The following RNF225 variants were observed in gnomAD, a reference collection of about 807,000 sequenced individuals.
RNF225 encodes the protein ring finger protein 225.
For synonymous variants in RNF225, 295 were observed against 260.4 expected (o/e 1.13, Z -1.28); for missense variants, 510 against 509.8 (o/e 1.00, Z 0.00).
At position 58,397,034 on chromosome 19, in the gene RNF225, GGCCCCGT is replaced by G; in HGVS notation, c.947_953del (p.Ala316GlyfsTer?). 6.5e-7 allele frequency: 1 copy of G among 1,530,798 alleles called. No individual in the cohort carries two copies. Among genetic ancestry groups the G allele is most frequent in the Non-Finnish European group, 8.7e-7 (1 of 1,144,998 alleles). The allele number at this position is 1,530,798 out of a possible 1,614,324, so 94.8% of individuals were successfully genotyped here. ...GGGGCACAGAGGCTGGCCCCGGCTG[GGCCCCGT>G]GGCCACGGGGCGCGAGGAGGCTGTG... is the stretch of plus-strand genomic sequence containing the variant. On this transcript the variant is annotated frameshift_variant, in exon 1 of 1. Transcript: ENST00000601382. LOFTEE classifies it low-confidence loss of function (END_TRUNC).
chr19:58,396,846 C>A lies in RNF225; in HGVS notation c.757C>A (p.Pro253Thr). ...PGFSWFPPRP[P>T]PGSPWAPAWT... ...CTTCTCTTGGTTTCCGCCGAGGCCC[C>A]CGCCGGGGTCGCCCTGGGCCCCCGC... The change falls in exon 1 of 1, where the codon CCG becomes ACG. Residue 253 changes from proline to threonine, a missense_variant. Coordinates refer to ENST00000601382, the MANE Select transcript of RNF225 (RefSeq NM_001195135.2). 6.6e-7 allele frequency: 1 copy of A among 1,520,308 alleles called. No homozygotes were observed. The highest frequency in any genetic ancestry group is 8.8e-7 in the Non-Finnish European group (1 of 1,141,170). 94.2% of individuals were successfully genotyped at this position (1,520,308 alleles called of 1,614,324 possible).
chr19:58,396,129 G>C lies in RNF225; in HGVS notation c.40G>C (p.Ala14Pro), dbSNP rs1375843366. 12 of 1,532,100 alleles carry C rather than the reference G, an allele frequency of 7.8e-6. No individual in the cohort carries two copies. The highest frequency in any genetic ancestry group is 3.6e-5 in the South Asian group (3 of 83,724). The allele number at this position is 1,532,100 out of a possible 1,614,324, so 94.9% of individuals were successfully genotyped here. A position where few individuals can be genotyped will look rare whatever the true frequency, so the allele number is the denominator to read the frequency against. The part of the protein sequence containing the change: ...PRPFWLRHSR[A>P]PQGSGPSSPG... ...GCCGTTCTGGCTCCGCCATTCCCGG[G>C]CCCCCCAGGGCTCGGGTCCCAGCTC... Residue 14 changes from alanine to proline, a missense_variant, in exon 1 of 1, where the codon GCC becomes CCC. Coordinates refer to ENST00000601382, the MANE Select transcript of RNF225 (RefSeq NM_001195135.2).
chr19:58,396,074 T>A lies in RNF225; in HGVS notation c.-16T>A. 1.3e-6 allele frequency: 2 copies of A among 1,500,612 alleles called. No homozygotes were observed. The highest frequency in any genetic ancestry group is 1.8e-6 in the Non-Finnish European group (2 of 1,132,674). The allele number at this position is 1,500,612 out of a possible 1,614,324, so 93.0% of individuals were successfully genotyped here. On this transcript the variant is annotated 5_prime_UTR_variant, in exon 1 of 1. Coordinates refer to ENST00000601382, the MANE Select transcript of RNF225 (RefSeq NM_001195135.2). The stretch of plus-strand genomic sequence containing the variant: ...TCCTTCCCTGCCTGACCTCCTCTCC[T>A]CCCAGGTCCATCCGGATGCCCTGCC...
rs752417745 is a variant in RNF225 at position 58,396,226 on chromosome 19, G to A, written c.137G>A (p.Gly46Glu). 111 of 1,542,476 alleles carry A rather than the reference G, an allele frequency of 7.2e-5. 5 individuals are homozygous for A. In the South Asian group the frequency reaches 1.3e-3, roughly 18 times the overall value. Residue 46 changes from glycine to glutamate, a missense_variant, in exon 1 of 1, where the codon GGG (glycine) becomes GAG (glutamate). By Grantham distance (98) the Gly-to-Glu change is moderately conservative (BLOSUM62 -2). Coordinates refer to ENST00000601382, the MANE Select transcript of RNF225 (RefSeq NM_001195135.2). ...CAGGAGGAGGAGGAGGAGGAGGAAGGGGACGGCAGCCCAGGCTCCGGCCCT... is the reference window on the plus strand; with the variant it reads ...CAGGAGGAGGAGGAGGAGGAGGAAGAGGACGGCAGCCCAGGCTCCGGCCCT... ...EDQEEEEEEE[G>E]DGSPGSGPIL...
In RNF225 at chr19:58,396,011, C is replaced by A; in HGVS notation, c.-79C>A. On this transcript the variant is annotated 5_prime_UTR_variant, in exon 1 of 1. Transcript: ENST00000601382. ...TACAGTCCCCAGTCTTCCCTGGATT[C>A]CCTGCTGGTCTCAGAACCCGCTCCA... 2 of 1,355,538 alleles carry A rather than the reference C, an allele frequency of 1.5e-6. No homozygotes were observed. The highest frequency in any genetic ancestry group is 2.0e-6 in the Non-Finnish European group (2 of 1,024,116). 84.0% of individuals were successfully genotyped at this position (1,355,538 alleles called of 1,614,324 possible).
In RNF225 at chr19:58,396,575, GC is replaced by G; in HGVS notation, c.491del (p.Pro164ArgfsTer?). 1 of 1,054,056 alleles carries G rather than the reference GC, an allele frequency of 9.5e-7. No homozygotes were observed. The highest frequency in any genetic ancestry group is 1.1e-6 in the Non-Finnish European group (1 of 878,044). The allele number at this position is 1,054,056 out of a possible 1,614,324, so 65.3% of individuals were successfully genotyped here. A position where few individuals can be genotyped will look rare whatever the true frequency, so the allele number is the denominator to read the frequency against. On this transcript the variant is annotated frameshift_variant, in exon 1 of 1. Coordinates refer to ENST00000601382, the MANE Select transcript of RNF225 (RefSeq NM_001195135.2). LOFTEE classifies it low-confidence loss of function (END_TRUNC). Reference sequence around the variant, plus strand: ...GCCTTCTCTACCTGCGGCCGCCGCCGCCCCCGCCCGGGCCGCGCAAGGCCCG... The same window carrying G: ...GCCTTCTCTACCTGCGGCCGCCGCCGCCCCGCCCGGGCCGCGCAAGGCCCG... Reference protein sequence around the residue: ...RGLLYLRPPPPPPGPRKARAP... With the variant: ...RGLLYLRPPPXPPGPRKARAP...
Position 58,396,754 on chromosome 19 carries a change from T to A in RNF225, c.665T>A (p.Leu222His). Residue 222 changes from leucine to histidine, a missense_variant, in exon 1 of 1, where the codon CTC (leucine) becomes CAC (histidine). Transcript: ENST00000601382. ...GTCTCGGGCGTCTACATCTTCTTCC[T>A]CATCCCGCACGCCACCTCCTCCGGC... ...LVVSGVYIFF[L>H]IPHATSSGPP... 2 of 1,513,494 alleles carry A rather than the reference T, an allele frequency of 1.3e-6. No individual in the cohort carries two copies. The highest frequency in any genetic ancestry group is 1.8e-6 in the Non-Finnish European group (2 of 1,138,234). The allele number at this position is 1,513,494 out of a possible 1,614,324, so 93.8% of individuals were successfully genotyped here. A position where few individuals can be genotyped will look rare whatever the true frequency, so the allele number is the denominator to read the frequency against.
At position 58,396,490 on chromosome 19, in the gene RNF225, C is replaced by T. The variant is rs1278666305; in HGVS notation, c.401C>T (p.Pro134Leu). Reference protein sequence around the residue: ...PALPTQSGLLPRDARAPPSRQ... With the variant: ...PALPTQSGLLLRDARAPPSRQ... ...TTGCCCACGCAGTCCGGTCTCCTGC[C>T]CCGCGACGCGCGCGCACCGCCCTCT... Residue 134 changes from proline (P) to leucine (L), a missense_variant, in exon 1 of 1, where the codon CCC (proline) becomes CTC (leucine). Physicochemically the swap from Pro to Leu is moderately conservative, Grantham distance 98. Coordinates refer to ENST00000601382, the MANE Select transcript of RNF225 (RefSeq NM_001195135.2). The T allele has an allele frequency of 1.5e-6, 2 of 1,330,914 alleles. No individual in the cohort carries two copies. The highest frequency in any genetic ancestry group is 3.3e-5 in the East Asian group (1 of 30,756). The allele number at this position is 1,330,914 out of a possible 1,614,324, so 82.4% of individuals were successfully genotyped here.
In RNF225 at chr19:58,396,492, C is replaced by T. The variant is rs533761576; in HGVS notation, c.403C>T (p.Arg135Cys). 15 of 1,325,668 alleles carry T rather than the reference C, an allele frequency of 1.1e-5. No homozygotes were observed. The South Asian group carries it at 2.2e-4, about 19-fold the overall frequency. The allele number at this position is 1,325,668 out of a possible 1,614,324, so 82.1% of individuals were successfully genotyped here. ...ALPTQSGLLP[R>C]DARAPPSRQG... ...GCCCACGCAGTCCGGTCTCCTGCCCCGCGACGCGCGCGCACCGCCCTCTCG... is the reference window on the plus strand; with the variant it reads ...GCCCACGCAGTCCGGTCTCCTGCCCTGCGACGCGCGCGCACCGCCCTCTCG... Residue 135 changes from arginine to cysteine, a missense_variant, in exon 1 of 1, where the codon CGC becomes TGC. By Grantham distance (180) the Arg-to-Cys change is radical (BLOSUM62 -3). Coordinates refer to ENST00000601382, the MANE Select transcript of RNF225 (RefSeq NM_001195135.2).
Position 58,396,546 on chromosome 19 carries a change from C to T in RNF225, c.457C>T (p.Arg153Cys), listed in dbSNP as rs1416057406. 10 of 1,167,726 alleles carry T rather than the reference C, an allele frequency of 8.6e-6. No homozygotes were observed. Among genetic ancestry groups the T allele is most frequent in the Non-Finnish European group, 9.5e-6 (9 of 948,978 alleles). The allele number at this position is 1,167,726 out of a possible 1,614,324, so 72.3% of individuals were successfully genotyped here. Reference protein sequence around the residue: ...RQGSVRFDRRRGLLYLRPPPP... With the variant: ...RQGSVRFDRRCGLLYLRPPPP... ...GGGCTCCGTGCGCTTCGACCGGCGC[C>T]GCGGCCTTCTCTACCTGCGGCCGCC... The change falls in exon 1 of 1, where the codon CGC becomes TGC. Residue 153 changes from arginine (R) to cysteine (C), a missense_variant. Physicochemically the swap from Arg to Cys is radical, Grantham distance 180. Transcript: ENST00000601382.
chr19:58,396,213 G>A lies in RNF225; in HGVS notation c.124G>A (p.Glu42Lys). 6.5e-7 allele frequency: 1 copy of A among 1,543,634 alleles called. No homozygotes were observed. Among genetic ancestry groups the A allele is most frequent in the Non-Finnish European group, 8.7e-7 (1 of 1,151,658 alleles). ...CAGAGGGGAAGACCAGGAGGAGGAG[G>A]AGGAGGAGGAAGGGGACGGCAGCCC... ...PSRGEDQEEE[E>K]EEEGDGSPGS... Residue 42 changes from glutamate to lysine, a missense_variant, in exon 1 of 1, where the codon GAG becomes AAG. Physicochemically the swap from Glu to Lys is moderately conservative, Grantham distance 56. Transcript: ENST00000601382.
rs1469556073 is a variant in RNF225, at chr19:58,396,890, G to A, written c.801G>A (p.Thr267=). Residue 267 remains threonine (T), a synonymous_variant, in exon 1 of 1, where the codon ACG becomes ACA. Transcript: ENST00000601382. The part of the protein sequence containing the change: ...PWAPAWTPRP[T]GPDLDTALPG... ...CCCCCGCCTGGACGCCGCGCCCCAC[G>A]GGCCCTGACCTGGACACGGCCCTGC... 2.1e-5 allele frequency: 32 copies of A among 1,529,102 alleles called. No homozygotes were observed. The highest frequency in any genetic ancestry group is 2.7e-5 in the Non-Finnish European group (31 of 1,144,496). The allele number at this position is 1,529,102 out of a possible 1,614,324, so 94.7% of individuals were successfully genotyped here.
chr19:58,395,996 A>G lies in RNF225; in HGVS notation c.-94A>G, dbSNP rs28478181. On this transcript the variant is annotated 5_prime_UTR_variant, in exon 1 of 1. Transcript: ENST00000601382. ...GGATCCTCTCTAAAGTACAGTCCCC[A>G]GTCTTCCCTGGATTCCCTGCTGGTC... is the stretch of plus-strand genomic sequence containing the variant. The G allele has an allele frequency of 0.026, 32,158 of 1,247,864 alleles. 6,097 individuals are homozygous for G. The African/African-American group carries it at 0.42, about 16-fold the overall frequency. 77.3% of individuals were successfully genotyped at this position (1,247,864 alleles called of 1,614,324 possible).
chr19:58,396,350 C>T lies in RNF225; in HGVS notation c.261C>T (p.Phe87=), dbSNP rs1380895782. The T allele has an allele frequency of 6.5e-7, 1 of 1,535,568 alleles. No homozygotes were observed. The highest frequency in any genetic ancestry group is 2.4e-5 in the East Asian group (1 of 40,900). The change falls in exon 1 of 1, where the codon TTC becomes TTT. Residue 87 remains phenylalanine, a synonymous_variant. Transcript: ENST00000601382. ...LPKRLDCGHV[F]CLECLARLSL... ...AGCGCCTGGACTGCGGCCACGTCTT[C>T]TGTCTCGAGTGCCTGGCGCGCCTAT... is the stretch of plus-strand genomic sequence containing the variant.
In RNF225 at chr19:58,396,256, T is replaced by A; in HGVS notation, c.167T>A (p.Leu56Gln). Residue 56 changes from leucine to glutamine, a missense_variant, in exon 1 of 1, where the codon CTG becomes CAG. Physicochemically the swap from Leu to Gln is moderately radical, Grantham distance 113 (BLOSUM62 -2). Coordinates refer to ENST00000601382, the MANE Select transcript of RNF225 (RefSeq NM_001195135.2). ...GDGSPGSGPILPPASPVECLI... is the reference protein window; with the variant it reads ...GDGSPGSGPIQPPASPVECLI... ...GGCAGCCCAGGCTCCGGCCCTATCCTGCCCCCCGCCTCCCCGGTGGAGTGC... is the reference window on the plus strand; with the variant it reads ...GGCAGCCCAGGCTCCGGCCCTATCCAGCCCCCCGCCTCCCCGGTGGAGTGC... The A allele has an allele frequency of 6.5e-7, 1 of 1,536,982 alleles. No individual in the cohort carries two copies. The highest frequency in any genetic ancestry group is 8.7e-7 in the Non-Finnish European group (1 of 1,147,576).
At position 58,396,499 on chromosome 19, in the gene RNF225, C is replaced by T; in HGVS notation, c.410C>T (p.Ala137Val). ...PTQSGLLPRDARAPPSRQGSV... is the reference protein window; with the variant it reads ...PTQSGLLPRDVRAPPSRQGSV... The stretch of plus-strand genomic sequence containing the variant: ...CAGTCCGGTCTCCTGCCCCGCGACG[C>T]GCGCGCACCGCCCTCTCGCCAGGGC... Residue 137 changes from alanine to valine, a missense_variant, in exon 1 of 1, where the codon GCG becomes GTG. Ala to Val is a moderately conservative substitution (Grantham distance 64). Coordinates refer to ENST00000601382, the MANE Select transcript of RNF225 (RefSeq NM_001195135.2). 2 of 1,311,778 alleles carry T rather than the reference C, an allele frequency of 1.5e-6. No homozygotes were observed. The highest frequency in any genetic ancestry group is 1.9e-6 in the Non-Finnish European group (2 of 1,032,306). The allele number at this position is 1,311,778 out of a possible 1,614,324, so 81.3% of individuals were successfully genotyped here.
chr19:58,396,246 G>A lies in RNF225; in HGVS notation c.157G>A (p.Gly53Ser), dbSNP rs770509593. The A allele has an allele frequency of 1.9e-6, 3 of 1,538,754 alleles. No individual in the cohort carries two copies. Among genetic ancestry groups the A allele is most frequent in the Non-Finnish European group, 2.6e-6 (3 of 1,148,738 alleles). ...EEEGDGSPGS[G>S]PILPPASPVE... ...GGAAGGGGACGGCAGCCCAGGCTCC[G>A]GCCCTATCCTGCCCCCCGCCTCCCC... The change falls in exon 1 of 1, where the codon GGC becomes AGC. Residue 53 changes from glycine (G) to serine (S), a missense_variant. Physicochemically the swap from Gly to Ser is moderately conservative, Grantham distance 56. Transcript: ENST00000601382.
chr19:58,396,073 C>T lies in RNF225; in HGVS notation c.-17C>T, dbSNP rs1279902565. Reference sequence around the variant, plus strand: ...CTCCTTCCCTGCCTGACCTCCTCTCCTCCCAGGTCCATCCGGATGCCCTGC... The same window carrying T: ...CTCCTTCCCTGCCTGACCTCCTCTCTTCCCAGGTCCATCCGGATGCCCTGC... On this transcript the variant is annotated 5_prime_UTR_variant, in exon 1 of 1. Transcript: ENST00000601382. 1 of 1,491,970 alleles carries T rather than the reference C, an allele frequency of 6.7e-7. No homozygotes were observed. The highest frequency in any genetic ancestry group is 8.9e-7 in the Non-Finnish European group (1 of 1,129,460). 92.4% of individuals were successfully genotyped at this position (1,491,970 alleles called of 1,614,324 possible).
chr19:58,396,359 G>A lies in RNF225; in HGVS notation c.270G>A (p.Glu90=). 6.5e-7 allele frequency: 1 copy of A among 1,535,376 alleles called. No homozygotes were observed. The highest frequency in any genetic ancestry group is 8.7e-7 in the Non-Finnish European group (1 of 1,146,668). Residue 90 remains glutamate (E), a synonymous_variant, in exon 1 of 1, where the codon GAG becomes GAA. Transcript: ENST00000601382. ...ACTGCGGCCACGTCTTCTGTCTCGA[G>A]TGCCTGGCGCGCCTATCGTTGGCCA... The part of the protein sequence containing the change: ...RLDCGHVFCL[E]CLARLSLATA...
Sources: gnomAD v4.1 joint callset for allele counts on GRCh38, gnomAD v4.1.1 for gene constraint, MANE v1.5 for transcripts, NCBI Gene and HGNC (gene_info 2026-07-23, HGNC 2026-07-21) for gene names.